Variants in SPTLC1 observed in about 807,000 individuals in gnomAD.
SPTLC1 encodes the protein serine palmitoyltransferase long chain base subunit 1.
Under a neutral mutation model 68.9 loss-of-function variants are expected in SPTLC1, and 55 were observed. The observed-to-expected ratio is 0.80, with a 90% confidence interval of 0.64 to 1.00. The LOEUF is 1.00. Among genes scored for constraint, SPTLC1 ranks in the 50% least tolerant of loss-of-function variants. The pLI is 0.00. For synonymous variants in SPTLC1, 197 were observed against 201.6 expected (o/e 0.98, Z 0.19); for missense variants, 449 against 573.1 (o/e 0.78, Z 2.21).
intron 10 of SPTLC1, 77 bp from the exon 11 acceptor site, chr9:92,047,345 A>G (rs1833551274): frequency 1.1e-5 from 13 of 1,213,182 alleles, no homozygotes; most frequent in Non-Finnish European, 1.6e-5. Context: ...CCAGTTCTCT[A>G]GAACAACTAC....
At chr9:92,070,956 A>G (rs1355128289) in intron 5 of SPTLC1, among the ~76,000 whole-genome samples, 2 of 152,124 alleles carry the variant, frequency 1.3e-5, no homozygotes, top group Non-Finnish European at 2.9e-5. Flanking sequence ...TCTCACTTAC[A>G]AGGAGGAGAG....
intron 8 of SPTLC1, chr9:92,050,307 T>A: frequency 2.2e-6 from 1 of 453,090 alleles, no homozygotes; most frequent in Non-Finnish European, 4.1e-6. Flanking sequence ...TGACACGTGT[T>A]TTCCCAGGTG....
Position 92,094,831 on chromosome 9 carries a change from C to T in SPTLC1, c.261-13868G>A, listed in dbSNP as rs377667718. On this transcript the variant is annotated intron_variant, in intron 3 of 14. Coordinates refer to ENST00000262554, the MANE Select transcript of SPTLC1 (RefSeq NM_006415.4). The stretch of plus-strand genomic sequence containing the variant: ...GGCTATCAGTTGCCTCATTGACCAG[C>T]AGGGCATACACTTCAACTGGAGTGC... 2.0e-4 allele frequency among the ~76,000 whole-genome samples: 31 copies of T among 152,300 alleles called. No individual in the cohort carries two copies. The East Asian group carries it at 6.0e-3, about 29-fold the overall frequency.
intron 3 of SPTLC1, chr9:92,104,907 G>T: frequency 6.5e-7 from 1 of 1,534,328 alleles, no homozygotes; most frequent in Non-Finnish European, 8.7e-7. Flanking sequence ...TACTCCAAGG[G>T]CCATGGAGTC....
intron 7 of SPTLC1, among the ~76,000 whole-genome samples, chr9:92,056,303 C>T (rs1444642569): frequency 6.6e-6 from 1 of 152,166 alleles, no homozygotes; most frequent in African/African-American, 2.4e-5. Flanking sequence ...CATCTCTGCT[C>T]GCTGCAACCT....
intron 3 of SPTLC1, among the ~76,000 whole-genome samples, chr9:92,093,308 A>G (rs935264190): frequency 2.0e-5 from 3 of 152,230 alleles, no homozygotes; most frequent in East Asian, 3.8e-4. Flanking sequence ...TGATAAGACT[A>G]TAATACCTAA....
intron 14 of SPTLC1, among the ~76,000 whole-genome samples, chr9:92,033,574 C>T (rs1833045728): frequency 6.6e-6 from 1 of 152,146 alleles, no homozygotes; most frequent in Non-Finnish European, 1.5e-5. Context: ...TGGATGAGTG[C>T]AATAAAAAAT....
At chr9:92,104,922 G>A (rs896159044) in intron 3 of SPTLC1, 2 of 1,534,360 alleles carry the variant, frequency 1.3e-6, no homozygotes, top group African/African-American at 2.7e-5. Flanking sequence ...GGAGTCGCCA[G>A]TTCACACAGC....
At chr9:92,083,029 A>G (rs1238451431) in intron 3 of SPTLC1, among the ~76,000 whole-genome samples, 1 of 152,006 alleles carries the variant, frequency 6.6e-6, no homozygotes, top group Non-Finnish European at 1.5e-5. Context: ...TTGGCTGCAT[A>G]CATGTCTTCT....
intron 6 of SPTLC1, among the ~76,000 whole-genome samples, chr9:92,064,748 A>G (rs370908157): frequency 1.3e-5 from 2 of 152,338 alleles, no homozygotes; most frequent in African/African-American, 4.8e-5. Flanking sequence ...TGGTACCTTC[A>G]TGCCATGGAG....
At chr9:92,066,979 T>A (rs935213976) in intron 6 of SPTLC1, among the ~76,000 whole-genome samples, 1 of 149,272 alleles carries the variant, frequency 6.7e-6, no homozygotes, top group African/African-American at 2.5e-5. Flanking sequence ...AAACTCCATC[T>A]CAAAATAAAA....
At chr9:92,077,852 C>T (rs150755491) in intron 5 of SPTLC1, among the ~76,000 whole-genome samples, 78 of 152,300 alleles carry the variant, frequency 5.1e-4, no homozygotes, top group Non-Finnish European at 9.8e-4. Context: ...TTCTTCCACC[C>T]TGATGAAGTT....
In SPTLC1 at chr9:92,042,203, ATAC is replaced by A. The variant is rs573771276; in HGVS notation, c.1136+3793_1136+3795del. Among the ~76,000 whole-genome samples, 9 of 152,376 alleles carry A rather than the reference ATAC, an allele frequency of 5.9e-5. 1 individual carries two copies. In the South Asian group the frequency reaches 1.7e-3, roughly 28 times the overall value. On this transcript the variant is annotated intron_variant, in intron 12 of 14. Coordinates refer to ENST00000262554, the MANE Select transcript of SPTLC1 (RefSeq NM_006415.4). Reference sequence around the variant, plus strand: ...TTATACTTAATGAAGAAGTGCTTCTATACTGGGAATAAGGAAGGAATGTTTGCT... The same window carrying A: ...TTATACTTAATGAAGAAGTGCTTCTATGGGAATAAGGAAGGAATGTTTGCT...
intron 14 of SPTLC1, among the ~76,000 whole-genome samples, chr9:92,032,890 A>C (rs1324761530): frequency 1.3e-5 from 2 of 148,156 alleles, no homozygotes; most frequent in East Asian, 2.0e-4. Context: ...AAAAAAAAAA[A>C]CCAAAAACAA....
At chr9:92,087,952 G>A (rs909377180) in intron 3 of SPTLC1, among the ~76,000 whole-genome samples, 11 of 152,242 alleles carry the variant, frequency 7.2e-5, no homozygotes, top group African/African-American at 2.2e-4. Context: ...GGGCAATGGC[G>A]GGCGCCCCTC....
rs372527706 is a variant in SPTLC1 at position 92,072,526 on chromosome 9, T to C, written c.428-4428A>G. On this transcript the variant is annotated intron_variant, in intron 5 of 14. Transcript: ENST00000262554. ...ATGCTAGTGGTTGCTCTTTTCCTTG[T>C]CTCTTTCTTTCCCCTCAAACTTTCC... 1.1e-3 allele frequency among the ~76,000 whole-genome samples: 168 copies of C among 152,160 alleles called. 2 individuals carry two copies. The highest frequency in any genetic ancestry group is 3.7e-3 in the African/African-American group (155 of 41,518).
At chr9:92,062,092 A>C (rs1053317148) in intron 6 of SPTLC1, among the ~76,000 whole-genome samples, 1 of 152,196 alleles carries the variant, frequency 6.6e-6, no homozygotes, top group African/African-American at 2.4e-5. Context: ...TGTCTGTAAG[A>C]AACTCACTAC....
chr9:92,097,547 T>C (rs1291173224), intron 3 of SPTLC1, among the ~76,000 whole-genome samples: 1 of 152,140 alleles, frequency 6.6e-6, no homozygotes, highest in African/African-American at 2.4e-5. Flanking sequence ...CCTGAAAACA[T>C]TATGTTAAGT....
At chr9:92,103,586 G>T (rs1384080498) in intron 3 of SPTLC1, among the ~76,000 whole-genome samples, 1 of 152,220 alleles carries the variant, frequency 6.6e-6, no homozygotes, top group African/African-American at 2.4e-5. Context: ...GACCCTGCCT[G>T]CCAGGGAGGC....
Sources: gnomAD v4.1 joint callset for allele counts (sites outside exome capture counted in the v4.1 genomes callset) on GRCh38, gnomAD v4.1.1 for gene constraint, MANE v1.5 for transcripts, NCBI Gene and HGNC (gene_info 2026-07-23, HGNC 2026-07-21) for gene names.